Variants in HAUS6 observed in about 807,000 individuals in gnomAD.
The protein encoded by HAUS6 is HAUS augmin like complex subunit 6, also known as HAUS augmin-like complex subunit 6.
In HAUS6, 80 loss-of-function variants were observed where a neutral mutation model predicts 106.8. That is an observed-to-expected ratio of 0.75 (90% CI 0.63 to 0.90). The LOEUF (loss-of-function observed/expected upper bound fraction) is 0.90, where lower values mean the gene tolerates loss of function less well. Ranked by LOEUF, HAUS6 falls within the 40% of genes least tolerant of loss-of-function variation. The pLI, the probability that HAUS6 is intolerant of heterozygous loss-of-function variation, is 0.00. For missense variants in HAUS6, 1,155 were observed against 1,118.1 expected (o/e 1.03, Z -0.47); for synonymous variants, 356 against 379.1 (o/e 0.94, Z 0.71).
At chr9:19,078,040 T>G (rs1837048980) in intron 10 of HAUS6, 136 bp downstream of exon 10, 1 of 651,808 alleles carries the variant, frequency 1.5e-6, no homozygotes, top group African/African-American at 1.8e-5. Context: ...CAGCCAGCTA[T>G]GATCGTGCCA....
chr9:19,068,527 C>CA (rs931771568), intron 12 of HAUS6, among the ~76,000 whole-genome samples: 11 of 152,092 alleles, frequency 7.2e-5, no homozygotes, highest in Non-Finnish European at 1.3e-4. Context: ...CTCAATTTTA[C>CA]AAAAAAAGTT....
intron 12 of HAUS6, among the ~76,000 whole-genome samples, chr9:19,069,433 A>C (rs1836839170): frequency 6.6e-6 from 1 of 152,212 alleles, no homozygotes; most frequent in Admixed American, 6.5e-5. Flanking sequence ...TCACATCTGT[A>C]ATCACAGCAC....
At chr9:19,068,189 G>A (rs1437446488) in intron 12 of HAUS6, among the ~76,000 whole-genome samples, 4 of 152,042 alleles carry the variant, frequency 2.6e-5, no homozygotes, top group Admixed American at 6.6e-5. Context: ...CCCCTAGCCT[G>A]CCATAAAAAG....
intron 4 of HAUS6, among the ~76,000 whole-genome samples, chr9:19,091,582 A>G (rs1355016902): frequency 6.6e-6 from 1 of 152,172 alleles, no homozygotes; most frequent in Non-Finnish European, 1.5e-5. Context: ...TGGGAGGCCA[A>G]GGTGGCAGGA....
intron 14 of HAUS6, among the ~76,000 whole-genome samples, chr9:19,061,059 T>C (rs1836605607): frequency 1.3e-5 from 2 of 152,034 alleles, no homozygotes; most frequent in South Asian, 2.1e-4. Context: ...AGCTACTCGG[T>C]AGGCTGCAGC....
chr9:19,062,821 A>G (rs551904223), intron 14 of HAUS6, among the ~76,000 whole-genome samples, 187 bp downstream of exon 14: 1 of 152,162 alleles, frequency 6.6e-6, no homozygotes, highest in African/African-American at 2.4e-5. Flanking sequence ...ACACGCCCCC[A>G]TGCTCAACTG....
intron 14 of HAUS6, among the ~76,000 whole-genome samples, chr9:19,061,619 C>T (rs909014879): frequency 1.2e-4 from 18 of 152,194 alleles, no homozygotes; most frequent in African/African-American, 4.1e-4. Context: ...AAGATCACTT[C>T]AGGCTACGGG....
intron 1 of HAUS6, among the ~76,000 whole-genome samples, chr9:19,099,609 G>A (rs1184241045): frequency 1.3e-5 from 2 of 152,082 alleles, no homozygotes; most frequent in Non-Finnish European, 2.9e-5. Context: ...GGATTAACAG[G>A]TGTGAACCAC....
rs750786113 is a variant in HAUS6, at chr9:19,102,565, G to A, written c.87C>T (p.Thr29=). Residue 29 remains threonine (T), a synonymous_variant, in exon 1 of 17, where the codon ACC becomes ACT. Coordinates refer to ENST00000380502, the MANE Select transcript of HAUS6 (RefSeq NM_017645.5). ...GCGACACGATCTTTCCGCAGGCAAT[G>A]GTTGCCGGGCCTGGCTCGAAGCCGA... The part of the protein sequence containing the change: ...QALGFEPGPA[T]IACGKIVSHT... 5.6e-6 allele frequency: 9 copies of A among 1,613,808 alleles called. No individual in the cohort carries two copies. The highest frequency in any genetic ancestry group is 2.2e-5 in the East Asian group (1 of 44,868).
intron 11 of HAUS6, among the ~76,000 whole-genome samples, chr9:19,071,029 G>C (rs1836872065): frequency 6.6e-6 from 1 of 152,146 alleles, no homozygotes; most frequent in Non-Finnish European, 1.5e-5. Context: ...CAGAAGATCT[G>C]ATATTCCAAG....
chr9:19,084,353 C>T (rs1837236159), intron 7 of HAUS6, among the ~76,000 whole-genome samples: 2 of 152,100 alleles, frequency 1.3e-5, no homozygotes, highest in Admixed American at 6.6e-5. Context: ...ACTGTTTCCC[C>T]GTGGGGGCAA....
At chr9:19,065,047 T>A (rs879584430) in intron 12 of HAUS6, 1 of 152,248 alleles carries the variant, frequency 6.6e-6, no homozygotes, top group African/African-American at 2.4e-5. Context: ...AACTATTTGA[T>A]GGATTGATGG....
At chr9:19,091,002 G>A (rs1020269445) in intron 4 of HAUS6, among the ~76,000 whole-genome samples, 3 of 152,050 alleles carry the variant, frequency 2.0e-5, no homozygotes, top group African/African-American at 7.2e-5. Flanking sequence ...CATTGCCTCA[G>A]AGAAACCACC....
intron 11 of HAUS6, among the ~76,000 whole-genome samples, chr9:19,074,280 GAA>G (rs980842848): frequency 1.3e-5 from 2 of 152,054 alleles, no homozygotes; most frequent in African/African-American, 2.4e-5. Context: ...AAAAGAGAAA[GAA>G]GAGAGAGAGG....
chr9:19,079,913 G>A (rs1191901992), intron 9 of HAUS6, among the ~76,000 whole-genome samples: 14 of 149,272 alleles, frequency 9.4e-5, no homozygotes, highest in South Asian at 6.4e-4. Flanking sequence ...GGTGGCTCAC[G>A]CCTGTAATCC....
At chr9:19,068,685 A>G (rs1280632749) in intron 12 of HAUS6, among the ~76,000 whole-genome samples, 1 of 151,420 alleles carries the variant, frequency 6.6e-6, no homozygotes, top group Non-Finnish European at 1.5e-5. Flanking sequence ...AGTTGTAATG[A>G]AAGACACCTA....
chr9:19,063,484 GAATT>G (rs777833654), intron 13 of HAUS6, 26 bp downstream of exon 13: 28 of 1,120,922 alleles, frequency 2.5e-5, no homozygotes, highest in South Asian at 1.7e-4. Flanking sequence ...GTATGGTCCA[GAATT>G]AATTGAGACT....
chr9:19,083,148 C>T (rs1837202326), intron 7 of HAUS6, 105 bp from the exon 8 acceptor site: 1 of 525,894 alleles, frequency 1.9e-6, no homozygotes, highest in Admixed American at 3.8e-5. Context: ...AGAATGATTT[C>T]TAGTAAGAAA....
intron 12 of HAUS6, among the ~76,000 whole-genome samples, chr9:19,064,108 C>T (rs1836705660): frequency 6.6e-6 from 1 of 152,040 alleles, no homozygotes. Flanking sequence ...GCTGGAATTA[C>T]AGGCATGCGC....
Sources: allele counts gnomAD v4.1 joint callset (sites outside exome capture counted in the v4.1 genomes callset), GRCh38; gene constraint gnomAD v4.1.1; transcripts MANE v1.5; gene names NCBI Gene and HGNC (gene_info 2026-07-23, HGNC 2026-07-21).